Variants in SLC24A2 observed in about 807,000 individuals in gnomAD.
SLC24A2 encodes the protein solute carrier family 24 member 2, also known as sodium/potassium/calcium exchanger 2.
SLC24A2 carries 36 observed loss-of-function variants against 62.0 expected under a neutral mutation model. That is an observed-to-expected ratio of 0.58 (90% CI 0.44 to 0.77). The LOEUF is 0.77. Among genes scored for constraint, SLC24A2 ranks in the 30% least tolerant of loss-of-function variants. The probability of loss-of-function intolerance (pLI) is 0.00; values close to 1 mark genes in which losing one functional copy is unlikely to be tolerated. For missense variants in SLC24A2, 846 were observed against 817.9 expected (o/e 1.03, Z -0.42); for synonymous variants, 358 against 294.0 (o/e 1.22, Z -2.23).
chr9:19,807,146 CT>C, the SLC24A2 span, among the ~76,000 whole-genome samples: 2 of 152,050 alleles, frequency 1.3e-5, no homozygotes, highest in African/African-American at 4.8e-5. Flanking sequence ...GAATTCTGTC[CT>C]TTTTTGGAAA....
intron 10 of SLC24A2, among the ~76,000 whole-genome samples, chr9:19,519,668 G>C (rs991978833): frequency 1.3e-5 from 2 of 152,168 alleles, no homozygotes; most frequent in African/African-American, 4.8e-5. Context: ...GCACAGTCTA[G>C]CAGGCAGATA....
chr9:20,091,166 T>A, the SLC24A2 span, among the ~76,000 whole-genome samples: 40 of 149,140 alleles, frequency 2.7e-4, no homozygotes, highest in African/African-American at 6.9e-4. Context: ...AAAAAAAGAA[T>A]AAGAAAGAAT....
the SLC24A2 span, among the ~76,000 whole-genome samples, chr9:19,866,924 G>T: frequency 1.3e-5 from 2 of 152,030 alleles, no homozygotes; most frequent in Admixed American, 6.5e-5. Context: ...AAGGGTACTG[G>T]GGGGGTTGGA....
the SLC24A2 span, among the ~76,000 whole-genome samples, chr9:19,858,646 A>AATTT: frequency 6.6e-6 from 1 of 152,194 alleles, no homozygotes; most frequent in African/African-American, 2.4e-5. Flanking sequence ...AACTTAAATG[A>AATTT]ATTTATAAGC....
At position 19,511,523 on chromosome 9, in the gene SLC24A2, C is replaced by T. The variant is rs184384283; in HGVS notation, c.*4630G>A. On this transcript the variant is annotated 3_prime_UTR_variant, in exon 11 of 11. Coordinates refer to ENST00000341998, the MANE Select transcript of SLC24A2 (RefSeq NM_020344.4). The stretch of plus-strand genomic sequence containing the variant: ...TGGAATCCTAGGAAATTAATATCTC[C>T]TTTCTTCCCTTTCCTTATTATTCTA... 1.3e-5 allele frequency: 2 copies of T among 152,340 alleles called. No homozygotes were observed. Among genetic ancestry groups the T allele is most frequent in the African/African-American group, 4.8e-5 (2 of 41,576 alleles). 9.4% of individuals were successfully genotyped at this position (152,340 alleles called of 1,614,324 possible). A position where few individuals can be genotyped will look rare whatever the true frequency, so the allele number is the denominator to read the frequency against.
chr9:19,669,660 T>G (rs927907733), intron 2 of SLC24A2, among the ~76,000 whole-genome samples: 3 of 152,180 alleles, frequency 2.0e-5, no homozygotes, highest in African/African-American at 4.8e-5. Flanking sequence ...TCTTGGCCTG[T>G]GGCCTCTGTC....
chr9:19,951,264 T>TC, the SLC24A2 span, among the ~76,000 whole-genome samples: 8 of 143,244 alleles, frequency 5.6e-5, no homozygotes, highest in East Asian at 1.8e-3. Flanking sequence ...GTGTGTGTGT[T>TC]TTAACATATT....
chr9:19,740,509 G>A (rs1258372614), intron 2 of SLC24A2, among the ~76,000 whole-genome samples: 1 of 152,186 alleles, frequency 6.6e-6, no homozygotes, highest in Admixed American at 6.5e-5. Flanking sequence ...CATATGCAAA[G>A]TTCACAATAG....
the SLC24A2 span, among the ~76,000 whole-genome samples, chr9:19,860,173 C>T: frequency 6.6e-6 from 1 of 152,096 alleles, no homozygotes; most frequent in Non-Finnish European, 1.5e-5. Context: ...CAGCTCATGG[C>T]TCAAAAAGAG....
chr9:19,539,679 C>T (rs1563945199), intron 8 of SLC24A2, among the ~76,000 whole-genome samples: 1 of 55,378 alleles, frequency 1.8e-5, no homozygotes, highest in Non-Finnish European at 3.5e-5. Context: ...AATGTATATT[C>T]TGTTGATTTG....
intron 2 of SLC24A2, among the ~76,000 whole-genome samples, chr9:19,694,004 A>G (rs1356814555): frequency 6.6e-6 from 1 of 152,084 alleles, no homozygotes; most frequent in East Asian, 1.9e-4. Context: ...TCCTCTTCAA[A>G]TTATAATTTT....
At chr9:20,220,260 T>C in the SLC24A2 span, among the ~76,000 whole-genome samples, 3 of 152,170 alleles carry the variant, frequency 2.0e-5, no homozygotes, top group Non-Finnish European at 4.4e-5. Context: ...TCCTTCTTTG[T>C]CATTCTATCT....
At chr9:20,283,982 A>G in the SLC24A2 span, among the ~76,000 whole-genome samples, 1 of 152,082 alleles carries the variant, frequency 6.6e-6, no homozygotes, top group South Asian at 2.1e-4. Flanking sequence ...CGTGCCCAAA[A>G]AGCTGCTTTT....
chr9:20,289,362 A>T, the SLC24A2 span, among the ~76,000 whole-genome samples: 8 of 152,296 alleles, frequency 5.3e-5, no homozygotes, highest in African/African-American at 1.9e-4. Flanking sequence ...AAATTGAGAC[A>T]CAGAAAGACA....
Position 19,521,001 on chromosome 9 carries a change from C to T in SLC24A2, c.1629G>A (p.Gly543=). 4.3e-6 allele frequency: 7 copies of T among 1,614,122 alleles called. No individual in the cohort carries two copies. The highest frequency in any genetic ancestry group is 2.2e-5 in the South Asian group (2 of 91,086). ...TGGTGATAAGATCAGGGATGGAGGT[C>T]CCAGCAGCCAAGATGGTCAGGCCCA... ...EIMGLTILAA[G]TSIPDLITSV... The change falls in exon 10 of 11, where the codon GGG becomes GGA. Residue 543 remains glycine (G), a synonymous_variant. Transcript: ENST00000341998.
chr9:20,012,465 G>A, the SLC24A2 span, among the ~76,000 whole-genome samples: 1 of 152,132 alleles, frequency 6.6e-6, no homozygotes, highest in Admixed American at 6.6e-5. Context: ...TGAAATGTGG[G>A]TGGGGACACA....
At chr9:19,854,426 G>C in the SLC24A2 span, among the ~76,000 whole-genome samples, 1 of 151,982 alleles carries the variant, frequency 6.6e-6, no homozygotes, top group Non-Finnish European at 1.5e-5. Flanking sequence ...TTTTACATGA[G>C]CATTTGGTGC....
At chr9:19,915,282 T>C in the SLC24A2 span, among the ~76,000 whole-genome samples, 8 of 152,306 alleles carry the variant, frequency 5.3e-5, no homozygotes, top group South Asian at 2.1e-4. Flanking sequence ...TTTTATTGCC[T>C]AATAATATTT....
the SLC24A2 span, among the ~76,000 whole-genome samples, chr9:20,137,765 G>A: frequency 6.6e-6 from 1 of 152,138 alleles, no homozygotes; most frequent in Non-Finnish European, 1.5e-5. Flanking sequence ...CAGAGTCAAG[G>A]AGGTTTCCCC....
Sources: allele counts gnomAD v4.1 joint callset (sites outside exome capture counted in the v4.1 genomes callset), GRCh38; gene constraint gnomAD v4.1.1; transcripts MANE v1.5; gene names NCBI Gene and HGNC (gene_info 2026-07-23, HGNC 2026-07-21).